SLC49A4: variants seen among roughly 807,000 people sequenced by gnomAD.
The protein encoded by SLC49A4 is disrupted in renal cancer protein 2.
Under a neutral mutation model 50.6 loss-of-function variants are expected in SLC49A4, and 36 were observed. The observed-to-expected ratio is 0.71, with a 90% confidence interval of 0.55 to 0.94. The LOEUF is 0.94. Among genes scored for constraint, SLC49A4 ranks in the 40% least tolerant of loss-of-function variants. The pLI is 0.00. For synonymous variants in SLC49A4, 248 were observed against 241.2 expected, an observed-to-expected ratio of 1.03 and a Z score of -0.26; for missense variants, 503 against 605.7, an observed-to-expected ratio of 0.83 and a Z score of 1.78.
intron 4 of SLC49A4, among the ~76,000 whole-genome samples, chr3:122,845,068 A>G (rs970044468): frequency 6.6e-6 from 1 of 152,108 alleles, no homozygotes; most frequent in Non-Finnish European, 1.5e-5. Flanking sequence ...TCACCCAGAT[A>G]ATAAGCATAG....
chr3:122,860,364 C>A lies in SLC49A4; in HGVS notation c.1138+162C>A, dbSNP rs555232007. Among the ~76,000 whole-genome samples, 34 of 152,118 alleles carry A rather than the reference C, an allele frequency of 2.2e-4. No individual in the cohort carries two copies. The South Asian group carries it at 6.4e-3, about 29-fold the overall frequency. ...CAAACCATCATCTTATCTAAAGAGT[C>A]CAAAAAATAACTAAAAATATTTTAA... On this transcript the variant is annotated intron_variant, in intron 7 of 8. Coordinates refer to ENST00000261038, the MANE Select transcript of SLC49A4 (RefSeq NM_032839.3).
At chr3:122,859,896 GA>G in intron 6 of SLC49A4, among the ~76,000 whole-genome samples, 178 bp from the exon 7 acceptor site, 1 of 151,476 alleles carries the variant, frequency 6.6e-6, no homozygotes, top group Non-Finnish European at 1.5e-5. Context: ...TTTTATAAGA[GA>G]AAAAAAATTA....
chr3:122,833,554 G>T, intron 4 of SLC49A4, 108 bp downstream of exon 4: 5 of 1,010,182 alleles, frequency 4.9e-6, no homozygotes, highest in East Asian at 5.4e-5. Context: ...CTATTAATTA[G>T]GTTGTAAGTA....
At chr3:122,877,181 T>C (rs1188242508) in intron 8 of SLC49A4, among the ~76,000 whole-genome samples, 1 of 152,234 alleles carries the variant, frequency 6.6e-6, no homozygotes, top group Non-Finnish European at 1.5e-5. Context: ...GTCATTTCCT[T>C]GCTTATTAGA....
chr3:122,807,881 A>G (rs1311366471), intron 2 of SLC49A4, among the ~76,000 whole-genome samples: 2 of 152,188 alleles, frequency 1.3e-5, no homozygotes, highest in Admixed American at 1.3e-4. Flanking sequence ...GATAGTGGAA[A>G]ACCCCTTAGG....
intron 2 of SLC49A4, among the ~76,000 whole-genome samples, chr3:122,824,128 T>A (rs777421597): frequency 6.6e-6 from 1 of 152,260 alleles, no homozygotes. Context: ...AGAGTGTATG[T>A]ATGATGACTT....
chr3:122,843,519 T>C (rs1317536687), intron 4 of SLC49A4, among the ~76,000 whole-genome samples: 1 of 152,254 alleles, frequency 6.6e-6, no homozygotes, highest in Admixed American at 6.5e-5. Flanking sequence ...ATCAAATCAG[T>C]GTTTAAATTT....
At chr3:122,850,544 G>C (rs1936913268) in intron 5 of SLC49A4, among the ~76,000 whole-genome samples, 1 of 149,376 alleles carries the variant, frequency 6.7e-6, no homozygotes, top group Admixed American at 6.7e-5. Flanking sequence ...ATCTTGATCT[G>C]TTGCCCAGGC....
intron 7 of SLC49A4, 61 bp from the exon 8 acceptor site, chr3:122,872,354 T>C (rs1937206558): frequency 3.6e-6 from 5 of 1,376,058 alleles, no homozygotes; most frequent in Non-Finnish European, 5.0e-6. Context: ...ACCCCGAAGA[T>C]CTATCTGATA....
At chr3:122,870,109 A>T (rs551353358) in intron 7 of SLC49A4, among the ~76,000 whole-genome samples, 2 of 152,278 alleles carry the variant, frequency 1.3e-5, no homozygotes, top group East Asian at 1.9e-4. Flanking sequence ...AATTGTGTGG[A>T]GTACATTTCC....
chr3:122,845,693 A>G (rs1217316956), intron 4 of SLC49A4, 70 bp from the exon 5 acceptor site: 62 of 825,768 alleles, frequency 7.5e-5, no homozygotes, highest in Non-Finnish European at 9.7e-5. Context: ...AATGACATAC[A>G]TTTTTCATGA....
chr3:122,845,645 T>TTTTA, intron 4 of SLC49A4, 118 bp from the exon 5 acceptor site: 1 of 307,252 alleles, frequency 3.3e-6, no homozygotes, highest in Non-Finnish European at 5.8e-6. Context: ...TTAATGCCAT[T>TTTTA]CTGCAGATAT....
chr3:122,831,067 TG>T (rs1936602474), intron 3 of SLC49A4, among the ~76,000 whole-genome samples: 1 of 151,860 alleles, frequency 6.6e-6, no homozygotes, highest in Non-Finnish European at 1.5e-5. Flanking sequence ...ATCAAAACCA[TG>T]GTAAGATACA....
At position 122,795,180 on chromosome 3, in the gene SLC49A4, GCGA is replaced by G; in HGVS notation, c.-10_-8del. 1 of 1,315,274 alleles carries G rather than the reference GCGA, an allele frequency of 7.6e-7. No homozygotes were observed. Among genetic ancestry groups the G allele is most frequent in the Non-Finnish European group, 9.6e-7 (1 of 1,041,622 alleles). 81.5% of individuals were successfully genotyped at this position (1,315,274 alleles called of 1,614,324 possible). A position where few individuals can be genotyped will look rare whatever the true frequency, so the allele number is the denominator to read the frequency against. ...ACTGCGCCCGGCAGTGGCTTCGCGG[GCGA>G]CGCGTCGCCATGGGCTCTCGCTGGA... On this transcript the variant is annotated 5_prime_UTR_variant, in exon 1 of 9. Coordinates refer to ENST00000261038, the MANE Select transcript of SLC49A4 (RefSeq NM_032839.3).
chr3:122,874,932 A>T (rs78021267), intron 8 of SLC49A4, among the ~76,000 whole-genome samples: 7,235 of 152,278 alleles, frequency 0.048, 208 homozygotes, highest in Middle Eastern at 0.095. Context: ...CTAGTCTTCC[A>T]TTGTAAAGAA....
chr3:122,830,008 A>C (rs957197598), intron 3 of SLC49A4, among the ~76,000 whole-genome samples: 2 of 152,252 alleles, frequency 1.3e-5, no homozygotes, highest in African/African-American at 2.4e-5. Flanking sequence ...TTTATGGTAC[A>C]AGATTAATAT....
At chr3:122,867,717 C>A (rs1937136970) in intron 7 of SLC49A4, among the ~76,000 whole-genome samples, 1 of 152,206 alleles carries the variant, frequency 6.6e-6, no homozygotes. Flanking sequence ...CACGGTGGCT[C>A]ACGCCTGTAA....
At chr3:122,804,878 A>G (rs951310513) in intron 1 of SLC49A4, among the ~76,000 whole-genome samples, 4 of 152,228 alleles carry the variant, frequency 2.6e-5, no homozygotes, top group African/African-American at 7.2e-5. Flanking sequence ...AAAAAGCATA[A>G]CTGAGTAAAG....
intron 2 of SLC49A4, among the ~76,000 whole-genome samples, chr3:122,812,130 A>AT (rs1420420137): frequency 1.3e-5 from 2 of 152,016 alleles, no homozygotes; most frequent in Non-Finnish European, 2.9e-5. Context: ...TAGTTTTTAA[A>AT]TTTTTTGTAG....
Sources: gnomAD v4.1 joint callset for allele counts (sites outside exome capture counted in the v4.1 genomes callset) on GRCh38, gnomAD v4.1.1 for gene constraint, MANE v1.5 for transcripts, NCBI Gene and HGNC (gene_info 2026-07-23, HGNC 2026-07-21) for gene names.